The following FLACC1 variants were observed in gnomAD, a reference collection of about 807,000 sequenced individuals.
FLACC1 encodes flagellum-associated coiled-coil domain-containing protein 1.
In FLACC1, 66 loss-of-function variants were observed where a neutral mutation model predicts 62.8. The ratio of observed to expected loss-of-function variants is 1.05; its 90% confidence interval spans 0.86 to 1.29. The LOEUF is 1.29. Among genes scored for constraint, FLACC1 ranks in the 50% most tolerant of loss-of-function variants. FLACC1 has a pLI of 0.00. For synonymous variants in FLACC1, 156 were observed against 161.0 expected, an observed-to-expected ratio of 0.97 and a Z score of 0.24; for missense variants, 452 against 489.1, an observed-to-expected ratio of 0.92 and a Z score of 0.71.
Position 201,346,410 on chromosome 2 carries a change from G to T in FLACC1, c.368+132C>A. 1 of 1,295,636 alleles carries T rather than the reference G, an allele frequency of 7.7e-7. No homozygotes were observed. The highest frequency in any genetic ancestry group is 1.1e-6 in the Non-Finnish European group (1 of 942,824). The allele number at this position is 1,295,636 out of a possible 1,614,324, so 80.3% of individuals were successfully genotyped here. ...AGGAAGCAGGGGCGAGGAGGGAGGT[G>T]CCCTTGCGGCCCCTCCAGAGCAGGG... On this transcript the variant is annotated intron_variant, in intron 5 of 14. Coordinates refer to ENST00000392257, the MANE Select transcript of FLACC1 (RefSeq NM_001127391.3). This position sits in a 1 kb window ranked among gnomAD's most constrained non-coding sequence, Gnocchi z 4.0.
chr2:201,289,806 G>A, intron 12 of FLACC1, 21 bp from the exon 13 acceptor site: 1 of 1,614,174 alleles, frequency 6.2e-7, no homozygotes, highest in South Asian at 1.1e-5. Context: ...AGAAGCTGTT[G>A]CAGGACATCA....
upstream of FLACC1, among the ~76,000 whole-genome samples, chr2:201,357,962 A>T (rs537750898): frequency 6.6e-6 from 1 of 152,286 alleles, no homozygotes; most frequent in Non-Finnish European, 1.5e-5. Flanking sequence ...TACTCTTATT[A>T]TTTGCTATTC....
At chr2:201,290,425 C>T (rs115070852) in intron 12 of FLACC1, among the ~76,000 whole-genome samples, 4,445 of 152,196 alleles carry the variant, frequency 0.029, 90 homozygotes, top group Middle Eastern at 0.048. Flanking sequence ...GTACTTTCTG[C>T]TCAATTTTTC....
intron 9 of FLACC1, among the ~76,000 whole-genome samples, chr2:201,321,553 G>A (rs1417910135): frequency 6.6e-6 from 1 of 152,178 alleles, no homozygotes; most frequent in Non-Finnish European, 1.5e-5. Context: ...CTTGGTGTGA[G>A]TGCAACTATA....
chr2:201,344,717 TG>T, intron 5 of FLACC1, among the ~76,000 whole-genome samples: 1 of 151,762 alleles, frequency 6.6e-6, no homozygotes, highest in Non-Finnish European at 1.5e-5. Context: ...TTTAAGAGAG[TG>T]GCTTTCAGCA....
At chr2:201,348,940 T>C (rs1008700217) in intron 3 of FLACC1, among the ~76,000 whole-genome samples, 1 of 152,222 alleles carries the variant, frequency 6.6e-6, no homozygotes, top group Non-Finnish European at 1.5e-5. Context: ...ACTCTGACAC[T>C]GTGACCTCCT....
chr2:201,347,696 G>T (rs935762917), intron 4 of FLACC1, among the ~76,000 whole-genome samples: 1 of 151,090 alleles, frequency 6.6e-6, no homozygotes, highest in Non-Finnish European at 1.5e-5. Flanking sequence ...AAAATGTACC[G>T]ATTACATCCC....
At chr2:201,347,817 G>T (rs549026819) in intron 4 of FLACC1, among the ~76,000 whole-genome samples, 1 of 152,196 alleles carries the variant, frequency 6.6e-6, no homozygotes, top group Non-Finnish European at 1.5e-5. Context: ...CCAGGCAGGC[G>T]TCAAGAGCCT....
At chr2:201,358,432 T>G (rs1429101167), upstream of FLACC1, among the ~76,000 whole-genome samples, 1 of 104,606 alleles carries the variant, frequency 9.6e-6, no homozygotes, top group Non-Finnish European at 2.2e-5. Context: ...TTTTTTTTTT[T>G]TTGAGACGGA....
At chr2:201,342,728 T>A (rs375269777) in intron 6 of FLACC1, among the ~76,000 whole-genome samples, 1 of 152,244 alleles carries the variant, frequency 6.6e-6, no homozygotes. Flanking sequence ...CTGTGCTAGA[T>A]CGTCATTTCT....
chr2:201,293,852 C>T (rs1372286189), intron 12 of FLACC1, among the ~76,000 whole-genome samples: 2 of 151,930 alleles, frequency 1.3e-5, no homozygotes, highest in African/African-American at 4.8e-5. Context: ...CACCACCGAT[C>T]CCACAGAACT....
At chr2:201,296,779 A>G (rs888845973) in intron 12 of FLACC1, among the ~76,000 whole-genome samples, 1 of 152,190 alleles carries the variant, frequency 6.6e-6, no homozygotes, top group African/African-American at 2.4e-5. Context: ...GTCTGGTGGC[A>G]CCTGAGAGGA....
intron 8 of FLACC1, 23 bp downstream of exon 8, chr2:201,330,713 A>G (rs1259958117): frequency 6.2e-7 from 1 of 1,610,688 alleles, no homozygotes. Context: ...ATCCAGGGTC[A>G]TTCTCCCAGG....
intron 7 of FLACC1, among the ~76,000 whole-genome samples, chr2:201,338,841 G>A (rs976406610): frequency 1.3e-5 from 2 of 152,108 alleles, no homozygotes; most frequent in African/African-American, 4.8e-5. Context: ...TTGCATCTGT[G>A]TTCATCAGAG....
At chr2:201,344,138 A>C in intron 6 of FLACC1, 32 bp downstream of exon 6, 1 of 1,539,858 alleles carries the variant, frequency 6.5e-7, no homozygotes, top group Non-Finnish European at 8.9e-7. Context: ...TATTTTGTCC[A>C]TGAAGATGTT....
intron 11 of FLACC1, among the ~76,000 whole-genome samples, chr2:201,301,764 G>C (rs1949989711): frequency 6.6e-6 from 1 of 152,234 alleles, no homozygotes; most frequent in East Asian, 1.9e-4. Context: ...AGCCAGAAGA[G>C]AGTGGGGGCC....
chr2:201,344,214 T>C lies in FLACC1; in HGVS notation c.418A>G (p.Ile140Val). 2 of 1,614,086 alleles carry C rather than the reference T, an allele frequency of 1.2e-6. No homozygotes were observed. Among genetic ancestry groups the C allele is most frequent in the South Asian group, 1.1e-5 (1 of 91,050 alleles). ...LEEQISELTA[I>V]IEQMNRDHQS... ...TGGTCTCTGTTCATTTGTTCAATTA[T>C]TGCTGTCAGCTCTGAGATTTGCTCT... Residue 140 changes from isoleucine to valine, a missense_variant, in exon 6 of 15, where the codon ATA becomes GTA. By Grantham distance (29) the Ile-to-Val change is conservative. This residue lies in a region of FLACC1 where 4 missense variants were observed against 18.0 expected (regional missense o/e 0.22). Transcript: ENST00000392257.
At chr2:201,362,156 C>A (rs888546954), upstream of FLACC1, among the ~76,000 whole-genome samples, 13 of 152,086 alleles carry the variant, frequency 8.5e-5, no homozygotes, top group Non-Finnish European at 1.5e-4. Flanking sequence ...AAATCTTAAA[C>A]CTCATCAGAA....
intron 7 of FLACC1, among the ~76,000 whole-genome samples, chr2:201,334,234 G>A (rs1436619183): frequency 2.0e-5 from 3 of 152,118 alleles, no homozygotes; most frequent in Non-Finnish European, 4.4e-5. Flanking sequence ...CTGTTCATAC[G>A]GTTTTGTCCT....
Sources: allele counts gnomAD v4.1 joint callset (sites outside exome capture counted in the v4.1 genomes callset), GRCh38; gene constraint gnomAD v4.1.1; regional missense constraint gnomAD v4.1.1; non-coding constraint Gnocchi (gnomAD v3.1); transcripts MANE v1.5; gene names NCBI Gene and HGNC (gene_info 2026-07-23, HGNC 2026-07-21).